The following SMC5 variants were observed in gnomAD, a reference collection of about 807,000 sequenced individuals.
SMC5 encodes structural maintenance of chromosomes protein 5.
SMC5 carries 88 observed loss-of-function variants against 148.3 expected under a neutral mutation model. That is an observed-to-expected ratio of 0.59 (90% CI 0.50 to 0.71). The LOEUF is 0.71. Ranked by LOEUF, SMC5 falls within the 30% of genes least tolerant of loss-of-function variation. The pLI is 0.00. For missense variants in SMC5, 1,142 were observed against 1,298.9 expected (o/e 0.88, Z 1.86); for synonymous variants, 421 against 432.8 (o/e 0.97, Z 0.34).
At chr9:70,349,861 A>G (rs2036761304) in intron 22 of SMC5, among the ~76,000 whole-genome samples, 1 of 152,332 alleles carries the variant, frequency 6.6e-6, no homozygotes, top group East Asian at 1.9e-4. Context: ...AGAGGAGGAA[A>G]ATGTTAATTT....
intron 17 of SMC5, among the ~76,000 whole-genome samples, chr9:70,339,017 A>G (rs1346957298): frequency 1.3e-5 from 2 of 152,194 alleles, no homozygotes; most frequent in African/African-American, 2.4e-5. Flanking sequence ...AAATTTTTTA[A>G]TGCTTTTCAT....
intron 7 of SMC5, among the ~76,000 whole-genome samples, chr9:70,283,635 C>T (rs1427371665): frequency 6.6e-6 from 1 of 152,088 alleles, no homozygotes; most frequent in Non-Finnish European, 1.5e-5. Flanking sequence ...CCTTTGTGTA[C>T]TGTATACCCC....
At chr9:70,270,890 G>A (rs1410848144) in intron 3 of SMC5, among the ~76,000 whole-genome samples, 8 of 151,900 alleles carry the variant, frequency 5.3e-5, no homozygotes, top group African/African-American at 1.2e-4. Context: ...CAAGTGATCC[G>A]CCCGCCTTGG....
intron 17 of SMC5, among the ~76,000 whole-genome samples, chr9:70,331,964 GCATGACAGAATAACACTA>G (rs1426211050): frequency 6.6e-6 from 1 of 151,990 alleles, no homozygotes; most frequent in African/African-American, 2.4e-5. Context: ...AATGCACGTA[GCATGACAGAATAACACTA>G]CAGATCCTAT....
At chr9:70,275,389 T>C (rs1004884422) in intron 3 of SMC5, among the ~76,000 whole-genome samples, 1 of 152,042 alleles carries the variant, frequency 6.6e-6, no homozygotes, top group Non-Finnish European at 1.5e-5. Flanking sequence ...TTGTAGAGAA[T>C]GGGGTCTCAC....
rs2036827255 is a variant in SMC5 at position 70,352,434 on chromosome 9, T to G, written c.*103T>G. The G allele has an allele frequency of 8.0e-7, 1 of 1,243,136 alleles. No homozygotes were observed. Among genetic ancestry groups the G allele is most frequent in the East Asian group, 2.4e-5 (1 of 41,980 alleles). 77.0% of individuals were successfully genotyped at this position (1,243,136 alleles called of 1,614,324 possible). A position where few individuals can be genotyped will look rare whatever the true frequency, so the allele number is the denominator to read the frequency against. ...GATTCACTAAAACGAAAAGCAGTTA[T>G]TTTTGGAAACCTGCTTTTAAATACA... On this transcript the variant is annotated 3_prime_UTR_variant, in exon 25 of 25. Transcript: ENST00000361138.
chr9:70,282,615 A>T (rs2034781148), intron 7 of SMC5, 32 bp downstream of exon 7: 1 of 1,531,458 alleles, frequency 6.5e-7, no homozygotes, highest in South Asian at 1.3e-5. Flanking sequence ...GGATTATCTG[A>T]ATTTTATTTT....
chr9:70,291,746 C>G (rs532486303), intron 8 of SMC5, among the ~76,000 whole-genome samples: 2 of 152,072 alleles, frequency 1.3e-5, no homozygotes, highest in African/African-American at 4.8e-5. Flanking sequence ...TACAAACAAG[C>G]CTTATACAAC....
At chr9:70,346,102 G>A (rs1207939856) in intron 18 of SMC5, among the ~76,000 whole-genome samples, 4 of 152,160 alleles carry the variant, frequency 2.6e-5, no homozygotes, top group Non-Finnish European at 5.9e-5. Flanking sequence ...AAGTGATAGG[G>A]AAGGTGGGTG....
At position 70,259,164 on chromosome 9, in the gene SMC5, C is replaced by A. The variant is rs1218657200; in HGVS notation, c.86C>A (p.Pro29Gln). 5.0e-6 allele frequency: 8 copies of A among 1,611,710 alleles called. No individual in the cohort carries two copies. The highest frequency in any genetic ancestry group is 1.6e-4 in the Middle Eastern group (1 of 6,080). Residue 29 changes from proline to glutamine, a missense_variant, in exon 1 of 25, where the codon CCG (proline) becomes CAG (glutamine). By Grantham distance (76) the Pro-to-Gln change is moderately conservative (BLOSUM62 -1). Transcript: ENST00000361138. ...CCGAGAGACCCTTCGTCGGAGGTCC[C>A]GAGCAAGAGGAAGAATTCGGCCCCG... ...ALPRDPSSEV[P>Q]SKRKNSAPQL... is the part of the protein sequence containing the mutation.
chr9:70,267,430 A>T (rs2034319390), intron 2 of SMC5, among the ~76,000 whole-genome samples: 2 of 152,184 alleles, frequency 1.3e-5, no homozygotes, highest in Non-Finnish European at 2.9e-5. Flanking sequence ...GGTGGCAATT[A>T]TATCATTAAC....
At chr9:70,259,795 C>T (rs1022393956) in intron 1 of SMC5, among the ~76,000 whole-genome samples, 10 of 152,146 alleles carry the variant, frequency 6.6e-5, no homozygotes, top group Admixed American at 3.3e-4. Context: ...AAACCCTTGA[C>T]CCCACTAAAC....
chr9:70,347,224 C>CA, intron 20 of SMC5, 63 bp downstream of exon 20: 2 of 1,299,132 alleles, frequency 1.5e-6, no homozygotes, highest in Non-Finnish European at 2.2e-6. Context: ...CCCATACACA[C>CA]ACATACACAC....
chr9:70,262,206 A>C (rs2034157439), intron 1 of SMC5, among the ~76,000 whole-genome samples: 1 of 152,216 alleles, frequency 6.6e-6, no homozygotes, highest in South Asian at 2.1e-4. Context: ...AGACACTTGG[A>C]GGCTGAAGGA....
chr9:70,278,878 TA>T (rs1266495088), intron 5 of SMC5, among the ~76,000 whole-genome samples: 2 of 152,114 alleles, frequency 1.3e-5, no homozygotes, highest in African/African-American at 4.8e-5. Context: ...GTAACAGTAT[TA>T]TAAAAAAAAA....
At chr9:70,322,948 C>G (rs2035986070) in intron 15 of SMC5, among the ~76,000 whole-genome samples, 1 of 152,148 alleles carries the variant, frequency 6.6e-6, no homozygotes. Context: ...TTCGCTTTAC[C>G]CATTCCAACT....
chr9:70,348,177 A>C, intron 22 of SMC5, 139 bp downstream of exon 22: 1 of 837,244 alleles, frequency 1.2e-6, no homozygotes, highest in Non-Finnish European at 1.7e-6. Flanking sequence ...AGAAAGGAGA[A>C]AACCACCTGT....
chr9:70,300,017 CAA>C, intron 9 of SMC5, 27 bp from the exon 10 acceptor site: 1 of 1,527,020 alleles, frequency 6.5e-7, no homozygotes. Context: ...TTCAGAGAAA[CAA>C]GACTTTGTTT....
chr9:70,301,694 T>G (rs2035361619), intron 10 of SMC5, among the ~76,000 whole-genome samples: 1 of 152,172 alleles, frequency 6.6e-6, no homozygotes, highest in African/African-American at 2.4e-5. Context: ...AAAGAAAATT[T>G]ATGAAGATGC....
Sources: allele counts gnomAD v4.1 joint callset (sites outside exome capture counted in the v4.1 genomes callset), GRCh38; gene constraint gnomAD v4.1.1; transcripts MANE v1.5; gene names NCBI Gene and HGNC (gene_info 2026-07-23, HGNC 2026-07-21).